Variants in ABCB5 observed in about 807,000 individuals in gnomAD.
ABCB5 encodes the protein ATP-binding cassette sub-family B member 5.
A neutral mutation model predicts 144.2 loss-of-function variants in ABCB5; 155 were observed. That is an observed-to-expected ratio of 1.08 (90% confidence interval 0.94 to 1.23). The LOEUF (loss-of-function observed/expected upper bound fraction) is 1.23. Ranked by LOEUF, ABCB5 falls within the 50% of genes most tolerant of loss-of-function variation. The pLI is 0.00. For synonymous variants in ABCB5, 610 were observed against 528.6 expected (o/e 1.15, Z -2.11); for missense variants, 1,830 against 1,520.8 (o/e 1.20, Z -3.38).
intron 2 of ABCB5, among the ~76,000 whole-genome samples, chr7:20,625,150 A>G (rs1388310594): frequency 6.6e-6 from 1 of 152,232 alleles, no homozygotes; most frequent in African/African-American, 2.4e-5. Context: ...TTGCAATGGT[A>G]AAGCATTCTT....
chr7:20,632,072 C>G lies in ABCB5; in HGVS notation c.273C>G (p.Asn91Lys). ...LVQTNTTNYQNCTQSQEKLNE... is the reference protein window; with the variant it reads ...LVQTNTTNYQKCTQSQEKLNE... Reference sequence around the variant, plus strand: ...CCTTTTTTACAGCAAATTATCAGAACTGTACTCAGTCTCAAGAGAAGCTGA... The same window carrying G: ...CCTTTTTTACAGCAAATTATCAGAAGTGTACTCAGTCTCAAGAGAAGCTGA... Residue 91 changes from asparagine (N) to lysine (K), a missense_variant, in exon 5 of 28, where the codon AAC (asparagine) becomes AAG (lysine). Asn to Lys is a moderately conservative substitution (Grantham distance 94). Coordinates refer to ENST00000404938, the MANE Select transcript of ABCB5 (RefSeq NM_001163941.2). 4 of 1,522,068 alleles carry G rather than the reference C, an allele frequency of 2.6e-6. No individual in the cohort carries two copies. Among genetic ancestry groups the G allele is most frequent in the Non-Finnish European group, 3.5e-6 (4 of 1,133,122 alleles). The allele number at this position is 1,522,068 out of a possible 1,614,324, so 94.3% of individuals were successfully genotyped here.
intron 15 of ABCB5, among the ~76,000 whole-genome samples, chr7:20,683,550 T>C (rs1236456986): frequency 6.6e-6 from 1 of 150,554 alleles, no homozygotes; most frequent in African/African-American, 2.4e-5. Context: ...AAAAATCCAT[T>C]ATAGGTCTTA....
chr7:20,710,977 G>A (rs539347503), intron 20 of ABCB5, among the ~76,000 whole-genome samples: 2 of 149,576 alleles, frequency 1.3e-5, no homozygotes, highest in Non-Finnish European at 3.0e-5. Flanking sequence ...GGTTACTTTA[G>A]GCTTTATAGT....
intron 14 of ABCB5, among the ~76,000 whole-genome samples, chr7:20,673,029 A>G (rs1017786834): frequency 2.6e-5 from 4 of 151,922 alleles, no homozygotes; most frequent in Non-Finnish European, 5.9e-5. Flanking sequence ...GTTACATATG[A>G]AGTCATTTAC....
intron 14 of ABCB5, among the ~76,000 whole-genome samples, chr7:20,678,645 A>C (rs554561564): frequency 2.7e-5 from 4 of 149,794 alleles, no homozygotes; most frequent in East Asian, 1.9e-4. Context: ...AAAACAAAAA[A>C]AAACACATTA....
At chr7:20,722,906 A>G in intron 20 of ABCB5, 110 bp from the exon 21 acceptor site, 1 of 814,884 alleles carries the variant, frequency 1.2e-6, no homozygotes, top group Non-Finnish European at 2.0e-6. Context: ...AAATTTAAGT[A>G]TAAATTCTTT....
rs13223864 is a variant in ABCB5 at position 20,681,058 on chromosome 7, C to G, written c.1708-447C>G. Among the ~76,000 whole-genome samples the G allele has an allele frequency of 4.2e-5, 2 of 47,582 alleles. 1 individual carries two copies. Among genetic ancestry groups the G allele is most frequent in the Non-Finnish European group, 7.1e-5 (2 of 28,194 alleles). 31.2% of individuals were successfully genotyped at this position (47,582 alleles called of 152,430 possible). ...TCTCTTTCTTTCTTTCTCTCTCTCT[C>G]TCTTTCTTTCTTTCTTTCTTTCTTT... is the stretch of plus-strand genomic sequence containing the variant. On this transcript the variant is annotated intron_variant, in intron 14 of 27. Transcript: ENST00000404938.
At chr7:20,748,023 G>A (rs919031239) in intron 26 of ABCB5, among the ~76,000 whole-genome samples, 1 of 152,148 alleles carries the variant, frequency 6.6e-6, no homozygotes, top group African/African-American at 2.4e-5. Flanking sequence ...AGTACAGCAA[G>A]GATGCTGTAA....
At chr7:20,668,566 C>A (rs1355235171) in intron 14 of ABCB5, among the ~76,000 whole-genome samples, 2 of 151,496 alleles carry the variant, frequency 1.3e-5, no homozygotes, top group East Asian at 4.0e-4. Context: ...CTCCGCCCGG[C>A]AGCCACCCCG....
intron 1 of ABCB5, among the ~76,000 whole-genome samples, chr7:20,616,284 C>T (rs2128014650): frequency 6.6e-6 from 1 of 152,338 alleles, no homozygotes; most frequent in Middle Eastern, 3.4e-3. Context: ...GATCCAGCCG[C>T]CTTGGCCTCC....
At chr7:20,665,702 A>T (rs1351818459) in intron 14 of ABCB5, among the ~76,000 whole-genome samples, 1 of 150,972 alleles carries the variant, frequency 6.6e-6, no homozygotes, top group East Asian at 1.9e-4. Context: ...TGATCCATTT[A>T]TCTGGATGAG....
rs781380500 is a variant in ABCB5 at position 20,681,500 on chromosome 7, T to C, written c.1708-5T>C. The C allele has an allele frequency of 1.9e-6, 3 of 1,613,984 alleles. No homozygotes were observed. The highest frequency in any genetic ancestry group is 1.7e-6 in the Non-Finnish European group (2 of 1,179,912). ...TATTTATTTTCTATGCATTTTATTCTGTAGGCGAGCAAAGGTCGGACTACA... is the reference window on the plus strand; with the variant it reads ...TATTTATTTTCTATGCATTTTATTCCGTAGGCGAGCAAAGGTCGGACTACA... On this transcript the variant is annotated splice_region_variant and splice_polypyrimidine_tract_variant and intron_variant, in intron 14 of 27. Coordinates refer to ENST00000404938, the MANE Select transcript of ABCB5 (RefSeq NM_001163941.2).
chr7:20,658,833 T>C (rs1452958475), intron 14 of ABCB5, among the ~76,000 whole-genome samples, 157 bp downstream of exon 14: 1 of 152,178 alleles, frequency 6.6e-6, no homozygotes, highest in African/African-American at 2.4e-5. Flanking sequence ...GTGATGGCTA[T>C]AGGAAGTGGT....
chr7:20,751,886 G>T (rs576226469), intron 26 of ABCB5, among the ~76,000 whole-genome samples: 4 of 152,212 alleles, frequency 2.6e-5, no homozygotes, highest in African/African-American at 9.7e-5. Context: ...GAGCATTCAC[G>T]TCAGAGAAGA....
chr7:20,753,228 T>G (rs1782985890), intron 26 of ABCB5, 132 bp from the exon 27 acceptor site: 1 of 1,123,268 alleles, frequency 8.9e-7, no homozygotes, highest in Non-Finnish European at 1.3e-6. Context: ...CAAGAATAGA[T>G]TTCAACATTT....
intron 19 of ABCB5, among the ~76,000 whole-genome samples, chr7:20,704,231 C>G (rs1439468464): frequency 6.6e-6 from 1 of 151,934 alleles, no homozygotes; most frequent in Non-Finnish European, 1.5e-5. Flanking sequence ...TGCACACCAC[C>G]ATGCCCAGCT....
intron 25 of ABCB5, 87 bp from the exon 26 acceptor site, chr7:20,745,145 T>C (rs1782679362): frequency 3.0e-6 from 4 of 1,318,820 alleles, no homozygotes; most frequent in East Asian, 2.3e-5. Context: ...CTTCTTGTTA[T>C]GATTTGTGTG....
intron 14 of ABCB5, among the ~76,000 whole-genome samples, chr7:20,665,943 G>C (rs1474136317): frequency 2.6e-5 from 4 of 151,946 alleles, no homozygotes; most frequent in Non-Finnish European, 5.9e-5. Context: ...GCAGAGACAG[G>C]CGGATCACCT....
At chr7:20,671,132 A>G (rs1223458210) in intron 14 of ABCB5, among the ~76,000 whole-genome samples, 1 of 152,178 alleles carries the variant, frequency 6.6e-6, no homozygotes, top group African/African-American at 2.4e-5. Context: ...ATTAATTTCC[A>G]GTTAAAAATA....
Sources: gnomAD v4.1 joint callset for allele counts (sites outside exome capture counted in the v4.1 genomes callset) on GRCh38, gnomAD v4.1.1 for gene constraint, MANE v1.5 for transcripts, NCBI Gene and HGNC (gene_info 2026-07-23, HGNC 2026-07-21) for gene names.